The following RORA variants were observed in gnomAD, a reference collection of about 807,000 sequenced individuals.
RORA encodes the protein nuclear receptor ROR-alpha.
RORA carries 7 observed loss-of-function variants against 69.5 expected under a neutral mutation model. The ratio of observed to expected loss-of-function variants is 0.10; its 90% CI spans 0.06 to 0.19. The LOEUF (loss-of-function observed/expected upper bound fraction) is 0.19, where lower values mean the gene tolerates loss of function less well. Among genes scored for constraint, RORA ranks in the 10% least tolerant of loss-of-function variants. RORA has a pLI of 1.00. For synonymous variants in RORA, 261 were observed against 240.8 expected (o/e 1.08, Z -0.78); for missense variants, 457 against 663.0 (o/e 0.69, Z 3.41).
chr15:60,896,328 G>A (rs771673600), intron 1 of RORA, among the ~76,000 whole-genome samples: 1 of 152,206 alleles, frequency 6.6e-6, no homozygotes. Context: ...TCAATGGAAA[G>A]CTAACACACT....
intron 3 of RORA, chr15:60,530,136 G>A (rs746572153): frequency 3.9e-5 from 6 of 152,326 alleles, no homozygotes; most frequent in African/African-American, 1.2e-4. Context: ...CAGAACACAA[G>A]ACAGGGTGAG....
chr15:61,101,473 G>C (rs2078879056), intron 1 of RORA, among the ~76,000 whole-genome samples: 2 of 152,098 alleles, frequency 1.3e-5, no homozygotes, highest in South Asian at 4.1e-4. Flanking sequence ...GGAAGAGCAT[G>C]ATACATTCAC....
At chr15:60,974,135 G>A (rs950476529) in intron 1 of RORA, among the ~76,000 whole-genome samples, 1 of 152,180 alleles carries the variant, frequency 6.6e-6, no homozygotes, top group African/African-American at 2.4e-5. Context: ...AGAGGAGGAG[G>A]GATGCCCCTG....
intron 1 of RORA, among the ~76,000 whole-genome samples, chr15:60,976,823 A>C (rs1331602992): frequency 6.6e-6 from 1 of 152,126 alleles, no homozygotes; most frequent in East Asian, 1.9e-4. Context: ...CTTAGGAGGG[A>C]GGACATGGCC....
intron 1 of RORA, among the ~76,000 whole-genome samples, chr15:60,977,400 T>C (rs1399954867): frequency 2.6e-5 from 4 of 152,182 alleles, no homozygotes; most frequent in Non-Finnish European, 4.4e-5. Context: ...TTTAAGTAAG[T>C]ATATAATTAT....
At chr15:60,955,362 T>C (rs1299570689) in intron 1 of RORA, among the ~76,000 whole-genome samples, 3 of 152,196 alleles carry the variant, frequency 2.0e-5, no homozygotes, top group Non-Finnish European at 4.4e-5. Context: ...TTGCTGGCAT[T>C]GTCTCGTTTT....
chr15:61,119,416 ATAT>A (rs561363424), intron 1 of RORA, among the ~76,000 whole-genome samples: 4,076 of 148,140 alleles, frequency 0.028, 192 homozygotes, highest in African/African-American at 0.096. Context: ...TACACACACT[ATAT>A]ATATATATAT....
chr15:61,063,725 T>C (rs76365074), intron 1 of RORA, among the ~76,000 whole-genome samples: 1,858 of 152,338 alleles, frequency 0.012, 31 homozygotes, highest in African/African-American at 0.043. Flanking sequence ...GAGTGCTTCC[T>C]GGCACATGTG....
intron 1 of RORA, among the ~76,000 whole-genome samples, chr15:61,068,224 C>T (rs2078291862): frequency 6.6e-6 from 1 of 152,184 alleles, no homozygotes; most frequent in South Asian, 2.1e-4. Context: ...CCCATGATGG[C>T]TTTGTATTTC....
chr15:60,895,512 T>C lies in RORA; in HGVS notation c.167-216826A>G, dbSNP rs1363909894. On this transcript the variant is annotated intron_variant, in intron 1 of 10. Transcript: ENST00000335670. Reference sequence around the variant, plus strand: ...TTTCTCAACAGTCGTAAATGGGTTTTAGTATCGGAAAATCTTAGAAAATAT... The same window carrying C: ...TTTCTCAACAGTCGTAAATGGGTTTCAGTATCGGAAAATCTTAGAAAATAT... Among the ~76,000 whole-genome samples the C allele has an allele frequency of 4.6e-5, 7 of 152,206 alleles. No homozygotes were observed. The East Asian group carries it at 1.3e-3, about 29-fold the overall frequency.
intron 1 of RORA, among the ~76,000 whole-genome samples, chr15:60,684,329 G>A (rs892133757): frequency 3.3e-5 from 5 of 152,040 alleles, no homozygotes; most frequent in African/African-American, 2.4e-5. Flanking sequence ...ATTAAAAAAC[G>A]AACAGGCTGG....
At chr15:60,529,678 TTTTA>T (rs1266623292) in intron 3 of RORA, 1 of 152,214 alleles carries the variant, frequency 6.6e-6, no homozygotes, top group Non-Finnish European at 1.5e-5. Context: ...TTCTTATCGC[TTTTA>T]TTTTTGTCAT....
intron 1 of RORA, among the ~76,000 whole-genome samples, chr15:60,907,605 A>G (rs1891582175): frequency 6.6e-6 from 1 of 152,212 alleles, no homozygotes; most frequent in Non-Finnish European, 1.5e-5. Flanking sequence ...CTTTCTCAAA[A>G]CTTCACCTGT....
At chr15:60,800,101 A>C in intron 1 of RORA, among the ~76,000 whole-genome samples, 1 of 152,352 alleles carries the variant, frequency 6.6e-6, no homozygotes, top group African/African-American at 2.4e-5. Context: ...TTGGTTGCCC[A>C]AAACTGGCTA....
chr15:61,005,784 G>C (rs1894892400), intron 1 of RORA, among the ~76,000 whole-genome samples: 1 of 152,082 alleles, frequency 6.6e-6, no homozygotes, highest in African/African-American at 2.4e-5. Context: ...CCTAAACTCA[G>C]GTGTAGTCCA....
rs112414874 is a variant in RORA, at chr15:60,875,124, T to C, written c.167-196438A>G. Among the ~76,000 whole-genome samples, 622 of 152,278 alleles carry C rather than the reference T, an allele frequency of 4.1e-3. 6 individuals are homozygous for C. The highest frequency in any genetic ancestry group is 0.014 in the African/African-American group (598 of 41,552). ...CCCCTAGCTTACTGACCCCTAAGTT[T>C]ACTGACCCCTAAGCTGGAATGTAAT... On this transcript the variant is annotated intron_variant, in intron 1 of 10. Transcript: ENST00000335670.
intron 10 of RORA, among the ~76,000 whole-genome samples, chr15:60,498,458 G>T (rs771578647): frequency 1.2e-4 from 18 of 152,184 alleles, no homozygotes; most frequent in Non-Finnish European, 2.6e-4. Flanking sequence ...CTGTAATAAA[G>T]CAATGCTGGG....
intron 1 of RORA, among the ~76,000 whole-genome samples, chr15:60,865,621 A>T (rs1397699369): frequency 6.6e-6 from 1 of 152,200 alleles, no homozygotes; most frequent in Non-Finnish European, 1.5e-5. Flanking sequence ...AAGTGAAAGG[A>T]ATAAATCAAA....
chr15:60,718,306 C>G (rs777812061), intron 1 of RORA, among the ~76,000 whole-genome samples: 13 of 152,186 alleles, frequency 8.5e-5, no homozygotes, highest in Non-Finnish European at 1.6e-4. Context: ...ATGCTGCATT[C>G]AGAAGCAAAC....
Sources: allele counts gnomAD v4.1 joint callset (sites outside exome capture counted in the v4.1 genomes callset), GRCh38; gene constraint gnomAD v4.1.1; transcripts MANE v1.5; gene names NCBI Gene and HGNC (gene_info 2026-07-23, HGNC 2026-07-21).